COMMD10: variants seen among roughly 807,000 people sequenced by gnomAD.
The protein encoded by COMMD10 is COMM domain containing 10.
In COMMD10, 33 loss-of-function variants were observed where a neutral mutation model predicts 28.9. The observed-to-expected ratio is 1.14, with a 90% CI of 0.87 to 1.53. COMMD10 has a LOEUF of 1.53. Among genes scored for constraint, COMMD10 ranks in the 40% most tolerant of loss-of-function variants. The probability of loss-of-function intolerance (pLI) is 0.00; values close to 1 mark genes in which losing one functional copy is unlikely to be tolerated. For synonymous variants in COMMD10, 110 were observed against 81.7 expected (o/e 1.35, Z -1.87); for missense variants, 310 against 233.4 (o/e 1.33, Z -2.14).
intron 5 of COMMD10, among the ~76,000 whole-genome samples, chr5:116,142,768 A>G (rs191145393): frequency 1.3e-5 from 2 of 151,704 alleles, no homozygotes; most frequent in Non-Finnish European, 3.0e-5. Flanking sequence ...TGTTATGTGT[A>G]TTTTGTTTTA....
chr5:116,241,697 C>T (rs1324046988), intron 5 of COMMD10, among the ~76,000 whole-genome samples: 2 of 151,906 alleles, frequency 1.3e-5, no homozygotes, highest in African/African-American at 4.8e-5. Context: ...ACTGAATGCT[C>T]CGCCTCCCGG....
At chr5:116,239,740 T>G (rs1329285583) in intron 5 of COMMD10, among the ~76,000 whole-genome samples, 2 of 152,308 alleles carry the variant, frequency 1.3e-5, no homozygotes, top group Admixed American at 6.5e-5. Flanking sequence ...TGATTACCTT[T>G]CATAAATTAA....
chr5:116,230,434 C>G (rs1749500617), intron 5 of COMMD10, among the ~76,000 whole-genome samples: 2 of 151,978 alleles, frequency 1.3e-5, no homozygotes, highest in Non-Finnish European at 2.9e-5. Flanking sequence ...ATGCACTAGA[C>G]TGGCTTCTTT....
intron 5 of COMMD10, among the ~76,000 whole-genome samples, chr5:116,211,143 ATTATGT>A (rs1748953338): frequency 6.6e-6 from 1 of 152,116 alleles, no homozygotes; most frequent in African/African-American, 2.4e-5. Flanking sequence ...TCTCTATATA[ATTATGT>A]TTATGTGTGT....
chr5:116,228,839 C>G (rs1749460333), intron 5 of COMMD10, among the ~76,000 whole-genome samples: 1 of 151,786 alleles, frequency 6.6e-6, no homozygotes, highest in South Asian at 2.1e-4. Flanking sequence ...TCAGTTTTTT[C>G]TTTTGTCATG....
Position 116,289,954 on chromosome 5 carries a change from G to T in COMMD10, c.511-1563G>T, listed in dbSNP as rs969099615. Among the ~76,000 whole-genome samples, 20 of 151,818 alleles carry T rather than the reference G, an allele frequency of 1.3e-4. 2 individuals are homozygous for T. The highest frequency in any genetic ancestry group is 4.6e-4 in the African/African-American group (19 of 41,154). On this transcript the variant is annotated intron_variant, in intron 5 of 6. Coordinates refer to ENST00000274458, the MANE Select transcript of COMMD10 (RefSeq NM_016144.4). The stretch of plus-strand genomic sequence containing the variant: ...TTCTTTTAAGAAGTATGTTTTCGAA[G>T]TTACATTTCTTCTCTTTCCTCAATG...
chr5:116,167,610 C>T lies in COMMD10; in HGVS notation c.510+33432C>T, dbSNP rs550833593. Among the ~76,000 whole-genome samples, 23 of 152,288 alleles carry T rather than the reference C, an allele frequency of 1.5e-4. No individual in the cohort carries two copies. In the South Asian group the frequency reaches 4.8e-3, roughly 32 times the overall value. ...CAGCCAGAGAGACAGGTCAGGGAAG[C>T]CCATCAGACTAACAGCGGATCTCTC... On this transcript the variant is annotated intron_variant, in intron 5 of 6. Coordinates refer to ENST00000274458, the MANE Select transcript of COMMD10 (RefSeq NM_016144.4).
chr5:116,195,547 C>A (rs1053031241), intron 5 of COMMD10, among the ~76,000 whole-genome samples: 16 of 151,944 alleles, frequency 1.1e-4, no homozygotes, highest in Non-Finnish European at 2.9e-5. Context: ...AAGAACTCAA[C>A]CCCTTTTACA....
chr5:116,251,242 A>G (rs954979198), intron 5 of COMMD10, among the ~76,000 whole-genome samples: 1 of 150,804 alleles, frequency 6.6e-6, no homozygotes, highest in African/African-American at 2.4e-5. Flanking sequence ...CAGATTTTTC[A>G]AAAATTAAAG....
At chr5:116,165,350 G>A (rs937721181) in intron 5 of COMMD10, among the ~76,000 whole-genome samples, 1 of 152,098 alleles carries the variant, frequency 6.6e-6, no homozygotes, top group African/African-American at 2.4e-5. Flanking sequence ...TTTGGTAATT[G>A]TAATTTCTTA....
At chr5:116,270,899 A>G (rs1346472546) in intron 5 of COMMD10, among the ~76,000 whole-genome samples, 1 of 151,772 alleles carries the variant, frequency 6.6e-6, no homozygotes, top group Non-Finnish European at 1.5e-5. Context: ...AGATCACACC[A>G]TTACACTCCA....
chr5:116,147,551 T>A (rs1310849679), intron 5 of COMMD10, among the ~76,000 whole-genome samples: 2 of 151,894 alleles, frequency 1.3e-5, no homozygotes, highest in South Asian at 4.1e-4. Context: ...TAAATTTTGC[T>A]TATAGTCAGT....
chr5:116,122,655 AT>A (rs1561614001), intron 4 of COMMD10, among the ~76,000 whole-genome samples: 1 of 151,906 alleles, frequency 6.6e-6, no homozygotes. Flanking sequence ...CTTTTATTTC[AT>A]TGAGCAGTGG....
chr5:116,171,674 T>A (rs1753338764), intron 5 of COMMD10, among the ~76,000 whole-genome samples: 1 of 152,138 alleles, frequency 6.6e-6, no homozygotes, highest in Non-Finnish European at 1.5e-5. Context: ...TTATGTCCTT[T>A]GCAGCATCAT....
chr5:116,235,080 C>T (rs1749626936), intron 5 of COMMD10, among the ~76,000 whole-genome samples: 1 of 152,148 alleles, frequency 6.6e-6, no homozygotes, highest in South Asian at 2.1e-4. Context: ...AATTTCAGAT[C>T]TGTGCCTTTT....
At position 116,207,511 on chromosome 5, in the gene COMMD10, GA is replaced by G. The variant is rs538577631; in HGVS notation, c.510+73340del. ...CAGAACATTGCAGTATCAGAGAGGG[GA>G]AAAAAATAAGTATTTCAGATTTTTT... is the stretch of plus-strand genomic sequence containing the variant. On this transcript the variant is annotated intron_variant, in intron 5 of 6. Transcript: ENST00000274458. 7.1e-5 allele frequency among the ~76,000 whole-genome samples: 10 copies of G among 141,674 alleles called. No homozygotes were observed. In the South Asian group the frequency reaches 7.8e-4, roughly 11 times the overall value. The allele number at this position is 141,674 out of a possible 152,430, so 92.9% of individuals were successfully genotyped here.
chr5:116,111,965 G>A (rs948498546), intron 4 of COMMD10, among the ~76,000 whole-genome samples: 84 of 152,226 alleles, frequency 5.5e-4, no homozygotes, highest in African/African-American at 1.9e-3. Context: ...GTGCATGTAT[G>A]TTTAGAATTG....
intron 5 of COMMD10, among the ~76,000 whole-genome samples, chr5:116,226,649 T>A (rs1456002548): frequency 7.9e-6 from 1 of 127,040 alleles, no homozygotes; most frequent in Non-Finnish European, 1.5e-5. Flanking sequence ...AGCCCTGTAG[T>A]AACACAAGGG....
chr5:116,182,322 A>G (rs1747995314), intron 5 of COMMD10, among the ~76,000 whole-genome samples: 2 of 77,308 alleles, frequency 2.6e-5, no homozygotes, highest in Non-Finnish European at 4.4e-5. Flanking sequence ...GGTGAAAGAG[A>G]AAGAGGAGAG....
Sources: gnomAD v4.1 joint callset for allele counts (sites outside exome capture counted in the v4.1 genomes callset) on GRCh38, gnomAD v4.1.1 for gene constraint, MANE v1.5 for transcripts, NCBI Gene and HGNC (gene_info 2026-07-23, HGNC 2026-07-21) for gene names.